TENM4: variants seen among roughly 807,000 people sequenced by gnomAD.
TENM4 encodes teneurin-4.
TENM4 carries 82 observed loss-of-function variants against 243.3 expected under a neutral mutation model. The observed-to-expected ratio is 0.34, with a 90% CI of 0.28 to 0.40. TENM4 has a LOEUF of 0.40. Among genes scored for constraint, TENM4 ranks in the 10% least tolerant of loss-of-function variants. The probability of loss-of-function intolerance (pLI) is 1.00; values close to 1 mark genes in which losing one functional copy is unlikely to be tolerated. For missense variants in TENM4, 3,138 were observed against 3,673.3 expected, an observed-to-expected ratio of 0.85 and a Z score of 3.77; for synonymous variants, 1,412 against 1,456.3, an observed-to-expected ratio of 0.97 and a Z score of 0.69.
At chr11:78,697,672 C>A (rs933764015) in intron 28 of TENM4, among the ~76,000 whole-genome samples, 1 of 152,130 alleles carries the variant, frequency 6.6e-6, no homozygotes, top group Non-Finnish European at 1.5e-5. Flanking sequence ...GTTGGCAAAC[C>A]CTAAGCTTGA....
intron 19 of TENM4, among the ~76,000 whole-genome samples, chr11:78,745,114 A>C (rs1565360481): frequency 1.3e-5 from 2 of 152,178 alleles, no homozygotes; most frequent in Admixed American, 6.5e-5. Flanking sequence ...ACAGATACAC[A>C]GACAGACACG....
At chr11:78,813,460 G>C (rs755720129) in intron 13 of TENM4, among the ~76,000 whole-genome samples, 1 of 152,138 alleles carries the variant, frequency 6.6e-6, no homozygotes, top group Non-Finnish European at 1.5e-5. Context: ...CTATTTACTT[G>C]TCTGTCTCTG....
intron 1 of TENM4, among the ~76,000 whole-genome samples, chr11:79,308,829 C>T (rs540820763): frequency 2.0e-5 from 3 of 152,252 alleles, no homozygotes; most frequent in Middle Eastern, 3.4e-3. Context: ...GTTTCCTCAC[C>T]CGTAAAATGG....
intron 6 of TENM4, among the ~76,000 whole-genome samples, chr11:78,972,130 C>A (rs1857557537): frequency 6.6e-6 from 1 of 151,942 alleles, no homozygotes; most frequent in Non-Finnish European, 1.5e-5. Context: ...TTTAAAAAAA[C>A]AATAAATGTT....
chr11:79,343,945 G>A (rs4945343), intron 1 of TENM4, among the ~76,000 whole-genome samples: 63,660 of 152,036 alleles, frequency 0.42, 14,539 homozygotes, highest in African/African-American at 0.61. Flanking sequence ...AACATAGATG[G>A]GGTCTTGGAA....
intron 6 of TENM4, among the ~76,000 whole-genome samples, chr11:78,905,435 G>A (rs4944216): frequency 0.5 from 76,604 of 152,010 alleles, 23,399 homozygotes; most frequent in East Asian, 0.78. Context: ...AAAGAAACAG[G>A]AACCCCTCTA....
At chr11:79,258,887 T>C (rs562903256) in intron 2 of TENM4, among the ~76,000 whole-genome samples, 40 of 152,334 alleles carry the variant, frequency 2.6e-4, no homozygotes, top group African/African-American at 9.4e-4. Flanking sequence ...TATGCTCATC[T>C]GAAGAAAAAC....
At chr11:79,102,948 CA>C (rs1265482566) in intron 4 of TENM4, among the ~76,000 whole-genome samples, 1 of 152,114 alleles carries the variant, frequency 6.6e-6, no homozygotes, top group Non-Finnish European at 1.5e-5. Context: ...GTTCTAAAGC[CA>C]AAACATAGCC....
intron 7 of TENM4, among the ~76,000 whole-genome samples, chr11:78,899,562 G>GGGC (rs1555098921): frequency 1.7e-4 from 23 of 135,250 alleles, no homozygotes; most frequent in Non-Finnish European, 1.6e-4. Context: ...CAAAAAGCGG[G>GGGC]GGGGGGGGGA....
chr11:78,922,160 T>A lies in TENM4; in HGVS notation c.494-18637A>T, dbSNP rs577854247. Among the ~76,000 whole-genome samples the A allele has an allele frequency of 1.4e-3, 218 of 152,344 alleles. 1 individual carries two copies. Among genetic ancestry groups the A allele is most frequent in the African/African-American group, 5.1e-3 (213 of 41,576 alleles). The stretch of plus-strand genomic sequence containing the variant: ...CAGCAGGCGCTCTGCAGAACATTTC[T>A]ATTCAAGGTCTCTGAGGTGATCTCT... On this transcript the variant is annotated intron_variant, in intron 6 of 33. Transcript: ENST00000278550.
At chr11:78,909,854 G>C (rs1856146502) in intron 6 of TENM4, among the ~76,000 whole-genome samples, 1 of 152,230 alleles carries the variant, frequency 6.6e-6, no homozygotes, top group East Asian at 1.9e-4. Flanking sequence ...GGCCCAGGTG[G>C]TCACTTCCTG....
At chr11:78,878,439 T>A (rs1288545576) in intron 9 of TENM4, among the ~76,000 whole-genome samples, 2 of 152,158 alleles carry the variant, frequency 1.3e-5, no homozygotes, top group Non-Finnish European at 2.9e-5. Flanking sequence ...TAGAACTGGG[T>A]TCCTGGCTCA....
At chr11:78,994,946 G>T (rs569117387) in intron 6 of TENM4, among the ~76,000 whole-genome samples, 3 of 152,172 alleles carry the variant, frequency 2.0e-5, no homozygotes, top group South Asian at 2.1e-4. Context: ...AGAATAAAAC[G>T]CAATTCTGGT....
At chr11:78,688,415 G>A (rs1390467485) in intron 28 of TENM4, among the ~76,000 whole-genome samples, 189 bp from the exon 29 acceptor site, 3 of 152,134 alleles carry the variant, frequency 2.0e-5, no homozygotes, top group Non-Finnish European at 4.4e-5. Flanking sequence ...TCCACCTGCT[G>A]ATATCCAGCT....
intron 24 of TENM4, among the ~76,000 whole-genome samples, chr11:78,722,151 C>T (rs539331345): frequency 2.4e-4 from 37 of 152,280 alleles, no homozygotes; most frequent in African/African-American, 8.9e-4. Flanking sequence ...GCTAGGACTA[C>T]AGGCAGGTGC....
At chr11:79,181,226 A>AT (rs1326392176) in intron 3 of TENM4, among the ~76,000 whole-genome samples, 1 of 152,214 alleles carries the variant, frequency 6.6e-6, no homozygotes, top group Admixed American at 6.5e-5. Flanking sequence ...AACAATGTAC[A>AT]TAAAAAACTA....
In TENM4 at chr11:78,984,705, G is replaced by A. The variant is rs557391535; in HGVS notation, c.493+80033C>T. Among the ~76,000 whole-genome samples, 13 of 152,164 alleles carry A rather than the reference G, an allele frequency of 8.5e-5. No homozygotes were observed. In the East Asian group the frequency reaches 1.9e-3, roughly 23 times the overall value. ...TGCTGCTACGCTACCTCTACTACCG[G>A]TAACCACAGCCAATATGGCATAGTG... On this transcript the variant is annotated intron_variant, in intron 6 of 33. Transcript: ENST00000278550.
intron 14 of TENM4, among the ~76,000 whole-genome samples, chr11:78,806,044 C>G (rs565490460): frequency 6.6e-6 from 1 of 152,172 alleles, no homozygotes; most frequent in Admixed American, 6.5e-5. Flanking sequence ...AATCCCAGCA[C>G]TTTGGGAGGT....
intron 31 of TENM4, among the ~76,000 whole-genome samples, chr11:78,671,716 T>G (rs1377717382): frequency 6.6e-6 from 1 of 152,170 alleles, no homozygotes; most frequent in Non-Finnish European, 1.5e-5. Context: ...CCACATGCCC[T>G]AGACCTGGGA....
Sources: allele counts gnomAD v4.1 joint callset (sites outside exome capture counted in the v4.1 genomes callset), GRCh38; gene constraint gnomAD v4.1.1; transcripts MANE v1.5; gene names NCBI Gene and HGNC (gene_info 2026-07-23, HGNC 2026-07-21).